PTK2: variants seen among roughly 807,000 people sequenced by gnomAD.
The protein encoded by PTK2 is protein tyrosine kinase 2.
PTK2 carries 45 observed loss-of-function variants against 150.1 expected under a neutral mutation model. The ratio of observed to expected loss-of-function variants is 0.30; its 90% CI spans 0.24 to 0.38. PTK2 has a LOEUF of 0.38. Ranked by LOEUF, PTK2 falls within the 10% of genes least tolerant of loss-of-function variation. The pLI, the probability that PTK2 is intolerant of heterozygous loss-of-function variation, is 1.00. For synonymous variants in PTK2, 432 were observed against 449.2 expected (o/e 0.96, Z 0.48); for missense variants, 919 against 1,307.3 (o/e 0.70, Z 4.58).
intron 1 of PTK2, among the ~76,000 whole-genome samples, chr8:140,985,716 G>A (rs1484931446): frequency 6.6e-6 from 1 of 152,234 alleles, no homozygotes; most frequent in Non-Finnish European, 1.5e-5. Context: ...CCTAAGGGCA[G>A]GGATGGCAGG....
intron 1 of PTK2, among the ~76,000 whole-genome samples, chr8:140,977,077 C>A (rs904279724): frequency 6.6e-6 from 1 of 152,170 alleles, no homozygotes; most frequent in African/African-American, 2.4e-5. Flanking sequence ...TATTAAACTT[C>A]TTTATTAAAT....
chr8:140,840,897 T>C (rs1235051744), intron 7 of PTK2, among the ~76,000 whole-genome samples: 1 of 151,730 alleles, frequency 6.6e-6, no homozygotes, highest in Non-Finnish European at 1.5e-5. Flanking sequence ...AAGTTGAAAG[T>C]GAAGAAATGA....
intron 1 of PTK2, among the ~76,000 whole-genome samples, chr8:140,980,025 G>A (rs1235449057): frequency 1.3e-5 from 2 of 152,146 alleles, no homozygotes; most frequent in African/African-American, 4.8e-5. Flanking sequence ...AAGCAATTTG[G>A]CAGTAACTAG....
Position 140,840,910 on chromosome 8 carries a change from A to G in PTK2, c.593+5350T>C, listed in dbSNP as rs541903790. On this transcript the variant is annotated intron_variant, in intron 7 of 31. Coordinates refer to ENST00000522684, the Ensembl canonical transcript of PTK2. ...AGAAGTTGAAAGTGAAGAAATGAAA[A>G]GTATAAACCAGGTCAAGGCTAACCT... Among the ~76,000 whole-genome samples the G allele has an allele frequency of 3.3e-5, 5 of 152,318 alleles. No homozygotes were observed. In the East Asian group the frequency reaches 7.7e-4, roughly 23 times the overall value.
At chr8:140,773,466 T>A (rs924687522) in intron 14 of PTK2, among the ~76,000 whole-genome samples, 4 of 152,188 alleles carry the variant, frequency 2.6e-5, no homozygotes, top group African/African-American at 9.7e-5. Context: ...GCTACCATTT[T>A]AAATATGGTG....
intron 1 of PTK2, among the ~76,000 whole-genome samples, chr8:140,939,020 T>C (rs541950697): frequency 9.2e-5 from 14 of 152,046 alleles, no homozygotes; most frequent in Non-Finnish European, 1.9e-4. Context: ...GCATAAAAAG[T>C]CACACCCTGC....
chr8:140,779,283 C>G (rs2100080324), intron 14 of PTK2, among the ~76,000 whole-genome samples: 1 of 150,652 alleles, frequency 6.6e-6, no homozygotes, highest in Admixed American at 6.6e-5. Context: ...AGAAGACATG[C>G]TGGAGGAATT....
intron 7 of PTK2, among the ~76,000 whole-genome samples, chr8:140,842,672 T>C (rs2100123022): frequency 6.6e-6 from 1 of 152,102 alleles, no homozygotes; most frequent in African/African-American, 2.4e-5. Flanking sequence ...TATATGGAGA[T>C]AGGGTGCTGA....
chr8:140,918,748 G>A (rs911229158), intron 2 of PTK2, among the ~76,000 whole-genome samples: 3 of 152,146 alleles, frequency 2.0e-5, no homozygotes, highest in Non-Finnish European at 4.4e-5. Flanking sequence ...ACACTGCTGT[G>A]CTTTTTGAGG....
chr8:140,833,574 G>A (rs1331028115), intron 7 of PTK2, among the ~76,000 whole-genome samples: 2 of 152,146 alleles, frequency 1.3e-5, no homozygotes, highest in South Asian at 4.2e-4. Flanking sequence ...GTGTGTTTGG[G>A]ACTGGTTTAC....
At chr8:140,685,695 T>C (rs1462384944) in intron 27 of PTK2, among the ~76,000 whole-genome samples, 2 of 152,202 alleles carry the variant, frequency 1.3e-5, no homozygotes, top group Non-Finnish European at 2.9e-5. Context: ...TGAGATGCCA[T>C]CTCACACCAG....
At chr8:140,694,773 G>C (rs532870771) in intron 26 of PTK2, among the ~76,000 whole-genome samples, 3 of 152,130 alleles carry the variant, frequency 2.0e-5, no homozygotes, top group Non-Finnish European at 4.4e-5. Context: ...GGACCACAAC[G>C]AGATATAATT....
Position 140,669,960 on chromosome 8 carries a change from C to T in PTK2, c.2710-1536G>A, listed in dbSNP as rs1010422284. ...GCCCCAGCATACTGCATAGAGAGGT[C>T]TGCCATGCACCATGCTCAGTTACAA... On this transcript the variant is annotated intron_variant, in intron 29 of 31. Coordinates refer to ENST00000522684, the Ensembl canonical transcript of PTK2. 1.1e-5 allele frequency: 6 copies of T among 553,502 alleles called. No homozygotes were observed. The Admixed American group carries it at 1.3e-4, about 12-fold the overall frequency. 34.3% of individuals were successfully genotyped at this position (553,502 alleles called of 1,614,324 possible).
chr8:140,836,258 C>A (rs1433054994), intron 7 of PTK2, among the ~76,000 whole-genome samples: 1 of 152,102 alleles, frequency 6.6e-6, no homozygotes, highest in Non-Finnish European at 1.5e-5. Context: ...CACTTTATGT[C>A]GTTTCACTTA....
chr8:140,899,445 A>AAC (rs552543778), intron 2 of PTK2, among the ~76,000 whole-genome samples: 3 of 152,222 alleles, frequency 2.0e-5, no homozygotes, highest in African/African-American at 2.4e-5. Flanking sequence ...GGACACATAC[A>AAC]ACCTATCAAG....
intron 26 of PTK2, among the ~76,000 whole-genome samples, chr8:140,690,458 C>A (rs983978716): frequency 6.6e-6 from 1 of 152,132 alleles, no homozygotes; most frequent in African/African-American, 2.4e-5. Flanking sequence ...AAAAGACCCA[C>A]CAGGCCCAAC....
intron 14 of PTK2, among the ~76,000 whole-genome samples, chr8:140,781,784 C>T (rs745891081): frequency 3.3e-5 from 5 of 152,166 alleles, no homozygotes; most frequent in African/African-American, 7.2e-5. Context: ...TTACAACATA[C>T]GATGCTGATA....
upstream of PTK2, chr8:141,001,389 C>CG (rs2100200218): frequency 6.6e-6 from 1 of 150,774 alleles, no homozygotes; most frequent in South Asian, 2.1e-4. Context: ...TCCCGCCTCT[C>CG]GGGGGGACTG....
At chr8:140,992,297 A>C (rs1249836846) in intron 1 of PTK2, among the ~76,000 whole-genome samples, 1 of 150,454 alleles carries the variant, frequency 6.6e-6, no homozygotes, top group Non-Finnish European at 1.5e-5. Context: ...ATCTCGGAAA[A>C]AAAAAAAAAA....
Sources: gnomAD v4.1 joint callset for allele counts (sites outside exome capture counted in the v4.1 genomes callset) on GRCh38, gnomAD v4.1.1 for gene constraint, MANE v1.5 for transcripts, NCBI Gene and HGNC (gene_info 2026-07-23, HGNC 2026-07-21) for gene names.